Variants in PEX7 observed in about 807,000 individuals in gnomAD.
PEX7 encodes the protein peroxisomal biogenesis factor 7.
PEX7 carries 34 observed loss-of-function variants against 47.5 expected under a neutral mutation model. That is an observed-to-expected ratio of 0.72 (90% CI 0.54 to 0.95). PEX7 has a LOEUF of 0.95. Ranked by LOEUF, PEX7 falls within the 40% of genes least tolerant of loss-of-function variation. The probability of loss-of-function intolerance (pLI) is 0.00; values close to 1 mark genes in which losing one functional copy is unlikely to be tolerated. For missense variants in PEX7, 394 were observed against 400.3 expected (o/e 0.98, Z 0.13); for synonymous variants, 141 against 148.8 (o/e 0.95, Z 0.38).
chr6:136,829,573 C>G (rs1253153294), intron 3 of PEX7, among the ~76,000 whole-genome samples: 1 of 152,130 alleles, frequency 6.6e-6, no homozygotes, highest in Non-Finnish European at 1.5e-5. Flanking sequence ...ATGCCAGATA[C>G]TCAAAAATAC....
intron 6 of PEX7, 28 bp from the exon 7 acceptor site, chr6:136,869,862 A>C (rs762530922): frequency 6.6e-7 from 1 of 1,512,548 alleles, no homozygotes; most frequent in Non-Finnish European, 9.2e-7. Context: ...AAGATGTCAC[A>C]GTTTATGTTT....
intron 9 of PEX7, among the ~76,000 whole-genome samples, chr6:136,904,253 C>T (rs1056743587): frequency 6.6e-6 from 1 of 152,212 alleles, no homozygotes; most frequent in African/African-American, 2.4e-5. Context: ...GCATTAGTCT[C>T]TGCTGTTTCC....
chr6:136,862,642 C>A (rs765508214), intron 5 of PEX7, among the ~76,000 whole-genome samples: 1 of 152,220 alleles, frequency 6.6e-6, no homozygotes, highest in African/African-American at 2.4e-5. Flanking sequence ...CCTTAAAGTG[C>A]TGGGATTACA....
At chr6:136,836,742 C>T (rs1459159884) in intron 3 of PEX7, among the ~76,000 whole-genome samples, 1 of 151,878 alleles carries the variant, frequency 6.6e-6, no homozygotes, top group Non-Finnish European at 1.5e-5. Context: ...CACTTGAGGC[C>T]AGGAGTTCGA....
chr6:136,884,982 C>G (rs1775442284), intron 8 of PEX7, among the ~76,000 whole-genome samples: 1 of 152,034 alleles, frequency 6.6e-6, no homozygotes, highest in Admixed American at 6.6e-5. Context: ...ATATACTGTC[C>G]CTTAAGTTAG....
Position 136,913,439 on chromosome 6 carries a change from C to T in PEX7, c.904-19C>T, listed in dbSNP as rs373069346. On this transcript the variant is annotated intron_variant, in intron 9 of 9. Transcript: ENST00000318471. The stretch of plus-strand genomic sequence containing the variant: ...GTATGTCTAAATACGTTTCTTCTTA[C>T]TTCATTTTTGTTTTCTAGGTGGCTG... The T allele has an allele frequency of 7.6e-6, 12 of 1,584,798 alleles. No homozygotes were observed. Among genetic ancestry groups the T allele is most frequent in the Non-Finnish European group, 1.0e-5 (12 of 1,154,330 alleles).
chr6:136,827,388 T>C (rs548496785), intron 3 of PEX7, among the ~76,000 whole-genome samples: 1 of 152,358 alleles, frequency 6.6e-6, no homozygotes, highest in East Asian at 1.9e-4. Context: ...AGGGAATTAC[T>C]GAATATTAAG....
At position 136,823,287 on chromosome 6, in the gene PEX7, A is replaced by G. The variant is rs1452387875; in HGVS notation, c.130+492A>G. 3 of 985,424 alleles carry G rather than the reference A, an allele frequency of 3.0e-6. No individual in the cohort carries two copies. The South Asian group carries it at 1.4e-4, about 46-fold the overall frequency. The allele number at this position is 985,424 out of a possible 1,614,324, so 61.0% of individuals were successfully genotyped here. On this transcript the variant is annotated intron_variant, in intron 1 of 9. Transcript: ENST00000318471. ...GCCTTCCTAAGGACGATGCTCCTGAATGGACGCCTGGAGTCCCACGGGTGA... is the reference window on the plus strand; with the variant it reads ...GCCTTCCTAAGGACGATGCTCCTGAGTGGACGCCTGGAGTCCCACGGGTGA...
At chr6:136,889,303 T>C (rs1339912809) in intron 8 of PEX7, among the ~76,000 whole-genome samples, 2 of 152,182 alleles carry the variant, frequency 1.3e-5, no homozygotes, top group African/African-American at 2.4e-5. Context: ...AAACAACATA[T>C]ATTAATTGGA....
chr6:136,835,668 A>G (rs1313987802), intron 3 of PEX7, among the ~76,000 whole-genome samples: 3 of 152,136 alleles, frequency 2.0e-5, no homozygotes, highest in African/African-American at 7.2e-5. Context: ...AGATTCCCAG[A>G]TGATTTCAAT....
intron 6 of PEX7, among the ~76,000 whole-genome samples, chr6:136,867,777 A>AAACAAC (rs71816095): frequency 6.7e-6 from 1 of 150,094 alleles, no homozygotes; most frequent in Non-Finnish European, 1.5e-5. Context: ...CTCCATCTCA[A>AAACAAC]AACAACAACA....
chr6:136,830,198 T>G, intron 3 of PEX7: 4 of 604,170 alleles, frequency 6.6e-6, no homozygotes, highest in Non-Finnish European at 1.2e-5. Flanking sequence ...GTGTTTTTAT[T>G]TGCAAACTAA....
chr6:136,895,879 G>A (rs1028833342), intron 8 of PEX7, among the ~76,000 whole-genome samples: 10 of 147,408 alleles, frequency 6.8e-5, no homozygotes, highest in Admixed American at 6.0e-4. Context: ...ATAAATACTG[G>A]ATAGTTTTTC....
chr6:136,826,288 T>C (rs1774189829), intron 2 of PEX7, 31 bp from the exon 3 acceptor site: 1 of 1,611,596 alleles, frequency 6.2e-7, no homozygotes, highest in Non-Finnish European at 8.5e-7. Flanking sequence ...AAGTGTTGTA[T>C]TTTTTTGTTG....
chr6:136,822,818 G>A, intron 1 of PEX7, 23 bp downstream of exon 1: 1 of 1,238,492 alleles, frequency 8.1e-7, no homozygotes, highest in Non-Finnish European at 1.0e-6. Flanking sequence ...CGCGCAGCTG[G>A]GGCCGGGGGG....
At chr6:136,903,592 G>A (rs1449186485) in intron 9 of PEX7, among the ~76,000 whole-genome samples, 3 of 151,542 alleles carry the variant, frequency 2.0e-5, no homozygotes, top group South Asian at 4.2e-4. Flanking sequence ...GTATATTTTT[G>A]TTTTGTTTCA....
At chr6:136,831,292 A>C (rs891488939) in intron 3 of PEX7, among the ~76,000 whole-genome samples, 2 of 152,172 alleles carry the variant, frequency 1.3e-5, no homozygotes, top group Non-Finnish European at 2.9e-5. Flanking sequence ...GGAAACTGCC[A>C]CTTTTAAAGC....
Position 136,822,692 on chromosome 6 carries a change from G to C in PEX7, c.27G>C (p.Ala9=). MSAVCGGA[A]RMLRTPGRHG... is the part of the protein sequence containing the mutation. Reference sequence around the variant, plus strand: ...TGAGTGCGGTGTGCGGTGGAGCGGCGCGGATGCTGCGGACGCCGGGACGCC... The same window carrying C: ...TGAGTGCGGTGTGCGGTGGAGCGGCCCGGATGCTGCGGACGCCGGGACGCC... The change falls in exon 1 of 10, where the codon GCG becomes GCC. Residue 9 remains alanine (A), a synonymous_variant. Coordinates refer to ENST00000318471, the MANE Select transcript of PEX7 (RefSeq NM_000288.4). 1 of 1,520,000 alleles carries C rather than the reference G, an allele frequency of 6.6e-7. No homozygotes were observed. Among genetic ancestry groups the C allele is most frequent in the Non-Finnish European group, 8.8e-7 (1 of 1,140,472 alleles). The allele number at this position is 1,520,000 out of a possible 1,614,324, so 94.2% of individuals were successfully genotyped here. A position where few individuals can be genotyped will look rare whatever the true frequency, so the allele number is the denominator to read the frequency against.
chr6:136,822,771 A>G lies in PEX7; in HGVS notation c.106A>G (p.Thr36Ala). 2 of 1,446,650 alleles carry G rather than the reference A, an allele frequency of 1.4e-6. No homozygotes were observed. The highest frequency in any genetic ancestry group is 1.8e-6 in the Non-Finnish European group (2 of 1,105,594). 89.6% of individuals were successfully genotyped at this position (1,446,650 alleles called of 1,614,324 possible). ...CCTGCCGGGCCGCCTGGCCTGCGCC[A>G]CCGCGCAGCACTACGGCATCGCGGG... is the stretch of plus-strand genomic sequence containing the variant. ...PYLPGRLACA[T>A]AQHYGIAGCG... Residue 36 changes from threonine to alanine, a missense_variant, in exon 1 of 10, where the codon ACC (threonine) becomes GCC (alanine). By Grantham distance (58) the Thr-to-Ala change is moderately conservative. Coordinates refer to ENST00000318471, the MANE Select transcript of PEX7 (RefSeq NM_000288.4).
Sources: allele counts gnomAD v4.1 joint callset (sites outside exome capture counted in the v4.1 genomes callset), GRCh38; gene constraint gnomAD v4.1.1; transcripts MANE v1.5; gene names NCBI Gene and HGNC (gene_info 2026-07-23, HGNC 2026-07-21).